ZNF804B: variants seen among roughly 807,000 people sequenced by gnomAD.
The protein encoded by ZNF804B is zinc finger 804B.
ZNF804B carries 80 observed loss-of-function variants against 101.4 expected under a neutral mutation model. The observed-to-expected ratio is 0.79, with a 90% CI of 0.66 to 0.95. ZNF804B has a LOEUF of 0.95. Ranked by LOEUF, ZNF804B falls within the 40% of genes least tolerant of loss-of-function variation. The pLI, the probability that ZNF804B is intolerant of heterozygous loss-of-function variation, is 0.00. For synonymous variants in ZNF804B, 622 were observed against 558.8 expected, an observed-to-expected ratio of 1.11 and a Z score of -1.59; for missense variants, 1,673 against 1,561.9, an observed-to-expected ratio of 1.07 and a Z score of -1.20.
intron 2 of ZNF804B, among the ~76,000 whole-genome samples, chr7:89,286,383 A>G (rs1790196365): frequency 6.6e-6 from 1 of 152,224 alleles, no homozygotes; most frequent in Admixed American, 6.5e-5. Context: ...TATATCATTG[A>G]AGATGCCATC....
intron 1 of ZNF804B, among the ~76,000 whole-genome samples, chr7:89,090,226 A>AT (rs1450710095): frequency 6.6e-6 from 1 of 151,954 alleles, no homozygotes; most frequent in African/African-American, 2.4e-5. Flanking sequence ...CTGGGATACC[A>AT]TTTTTGTCTG....
chr7:88,927,623 T>A (rs1792825906), intron 1 of ZNF804B, among the ~76,000 whole-genome samples: 1 of 152,156 alleles, frequency 6.6e-6, no homozygotes, highest in South Asian at 2.1e-4. Flanking sequence ...AGAATATTTC[T>A]TTCTCTCTTG....
At chr7:88,970,746 C>T (rs533753940) in intron 1 of ZNF804B, among the ~76,000 whole-genome samples, 1 of 141,090 alleles carries the variant, frequency 7.1e-6, no homozygotes, top group South Asian at 2.2e-4. Flanking sequence ...CATGTTCTCA[C>T]TCTTAGGTGG....
At chr7:89,137,157 G>T (rs1281808203) in intron 1 of ZNF804B, among the ~76,000 whole-genome samples, 1 of 152,016 alleles carries the variant, frequency 6.6e-6, no homozygotes, top group Non-Finnish European at 1.5e-5. Flanking sequence ...TTGTTGAAAA[G>T]ATACACAAAA....
intron 2 of ZNF804B, among the ~76,000 whole-genome samples, chr7:89,295,460 T>C (rs377349782): frequency 2.0e-4 from 30 of 152,284 alleles, no homozygotes; most frequent in African/African-American, 6.3e-4. Context: ...TATACTCCTA[T>C]TTTATGCTGA....
intron 1 of ZNF804B, among the ~76,000 whole-genome samples, chr7:88,770,872 A>T (rs865990544): frequency 3.3e-5 from 5 of 152,220 alleles, no homozygotes; most frequent in African/African-American, 1.2e-4. Flanking sequence ...ATTTGTGAGA[A>T]CAAAGAACAT....
At chr7:88,938,277 C>T (rs957914352) in intron 1 of ZNF804B, among the ~76,000 whole-genome samples, 2 of 151,678 alleles carry the variant, frequency 1.3e-5, no homozygotes, top group South Asian at 2.1e-4. Flanking sequence ...TAATGGCTGC[C>T]CTTAGAGAAA....
chr7:89,113,038 T>C (rs1790244075), intron 1 of ZNF804B, among the ~76,000 whole-genome samples: 4 of 152,068 alleles, frequency 2.6e-5, no homozygotes, highest in Non-Finnish European at 2.9e-5. Flanking sequence ...ATGGAGAAAA[T>C]AGATGTGGGG....
intron 2 of ZNF804B, among the ~76,000 whole-genome samples, chr7:89,247,268 C>G (rs988672697): frequency 2.0e-5 from 3 of 152,218 alleles, no homozygotes; most frequent in African/African-American, 7.2e-5. Flanking sequence ...TCAGGGCCCC[C>G]ACCCCTCCAG....
intron 1 of ZNF804B, among the ~76,000 whole-genome samples, chr7:89,020,355 GTC>G (rs1410807007): frequency 6.6e-6 from 1 of 151,768 alleles, no homozygotes. Flanking sequence ...TCAATTTTTT[GTC>G]TGTTTGTTTT....
At chr7:89,281,504 A>T (rs536574820) in intron 2 of ZNF804B, among the ~76,000 whole-genome samples, 1 of 152,318 alleles carries the variant, frequency 6.6e-6, no homozygotes, top group Admixed American at 6.5e-5. Flanking sequence ...TTTTTAGATA[A>T]TACAATTAAA....
At chr7:88,863,209 A>G (rs780614553) in intron 1 of ZNF804B, among the ~76,000 whole-genome samples, 1 of 152,004 alleles carries the variant, frequency 6.6e-6, no homozygotes, top group South Asian at 2.1e-4. Context: ...TCTCCCTACA[A>G]TGCTCTGATA....
chr7:89,134,568 G>A (rs1467970293), intron 1 of ZNF804B, among the ~76,000 whole-genome samples: 1 of 152,046 alleles, frequency 6.6e-6, no homozygotes, highest in Non-Finnish European at 1.5e-5. Flanking sequence ...TGCATAGCTG[G>A]AGGGTTTGAT....
intron 1 of ZNF804B, among the ~76,000 whole-genome samples, chr7:88,978,964 T>C (rs942639387): frequency 6.6e-6 from 1 of 151,858 alleles, no homozygotes; most frequent in Non-Finnish European, 1.5e-5. Flanking sequence ...GAAGTTACCA[T>C]GAGACTTGCA....
At chr7:88,859,736 A>G (rs1447441312) in intron 1 of ZNF804B, among the ~76,000 whole-genome samples, 2 of 151,942 alleles carry the variant, frequency 1.3e-5, no homozygotes, top group Admixed American at 6.6e-5. Context: ...CTCTATGTCC[A>G]TGTGCATGCA....
intron 1 of ZNF804B, among the ~76,000 whole-genome samples, chr7:88,938,308 A>C (rs1474008068): frequency 6.6e-6 from 1 of 152,080 alleles, no homozygotes; most frequent in Non-Finnish European, 1.5e-5. Flanking sequence ...AGTGTTTCCT[A>C]TTCAGATCTT....
chr7:89,336,536 G>A lies in ZNF804B; in HGVS notation c.3554G>A (p.Gly1185Glu), dbSNP rs1366360149. 1 of 1,613,832 alleles carries A rather than the reference G, an allele frequency of 6.2e-7. No individual in the cohort carries two copies. The highest frequency in any genetic ancestry group is 8.5e-7 in the Non-Finnish European group (1 of 1,180,008). Residue 1185 changes from glycine (G) to glutamate (E), a missense_variant, in exon 4 of 4, where the codon GGG (glycine) becomes GAG (glutamate). By Grantham distance (98) the Gly-to-Glu change is moderately conservative. Coordinates refer to ENST00000333190, the MANE Select transcript of ZNF804B (RefSeq NM_181646.5). ...SKHLRVLPAAGPTAFSPASTV... is the reference protein window; with the variant it reads ...SKHLRVLPAAEPTAFSPASTV... ...CATCTTCGAGTTTTGCCTGCTGCAG[G>A]GCCTACTGCCTTCTCTCCGGCCTCA...
At chr7:89,003,597 A>C (rs1027296950) in intron 1 of ZNF804B, among the ~76,000 whole-genome samples, 11 of 151,962 alleles carry the variant, frequency 7.2e-5, no homozygotes, top group Non-Finnish European at 1.6e-4. Flanking sequence ...CAACTCTTTC[A>C]ATTTATTGAT....
intron 1 of ZNF804B, among the ~76,000 whole-genome samples, chr7:88,798,490 A>G (rs1790526034): frequency 6.6e-6 from 1 of 152,152 alleles, no homozygotes; most frequent in Admixed American, 6.6e-5. Context: ...TAATACATTC[A>G]GAAGCAATAG....
Sources: gnomAD v4.1 joint callset for allele counts (sites outside exome capture counted in the v4.1 genomes callset) on GRCh38, gnomAD v4.1.1 for gene constraint, MANE v1.5 for transcripts, NCBI Gene and HGNC (gene_info 2026-07-23, HGNC 2026-07-21) for gene names.